LMO7: variants seen among roughly 807,000 people sequenced by gnomAD.
LMO7 encodes the protein LIM domain only protein 7.
A neutral mutation model predicts 206.5 loss-of-function variants in LMO7; 120 were observed. That is an observed-to-expected ratio of 0.58 (90% CI 0.50 to 0.68). LMO7 has a LOEUF of 0.68. Among genes scored for constraint, LMO7 ranks in the 30% least tolerant of loss-of-function variants. The pLI is 0.00. For missense variants in LMO7, 1,959 were observed against 1,957.9 expected (o/e 1.00, Z -0.01); for synonymous variants, 706 against 681.5 (o/e 1.04, Z -0.56).
intron 3 of LMO7, among the ~76,000 whole-genome samples, chr13:75,737,615 T>A (rs1187884516): frequency 2.7e-5 from 4 of 145,500 alleles, no homozygotes; most frequent in African/African-American, 1.0e-4. Context: ...TAGCCGGGCG[T>A]GGTAGCGGGC....
At chr13:75,648,441 A>G (rs1365962353) in intron 1 of LMO7, among the ~76,000 whole-genome samples, 1 of 152,174 alleles carries the variant, frequency 6.6e-6, no homozygotes, top group African/African-American at 2.4e-5. Context: ...TCTCATAGAA[A>G]AATCAAGCTC....
At chr13:75,702,063 G>C (rs1405920308) in intron 1 of LMO7, among the ~76,000 whole-genome samples, 2 of 152,052 alleles carry the variant, frequency 1.3e-5, no homozygotes. Flanking sequence ...GTCTAGGGAA[G>C]TGGGCTTCTT....
rs372735020 is a variant in LMO7, at chr13:75,807,719, G to C, written c.1436G>C (p.Arg479Pro). The C allele has an allele frequency of 4.3e-5, 69 of 1,613,970 alleles. No homozygotes were observed. Among genetic ancestry groups the C allele is most frequent in the Non-Finnish European group, 5.5e-5 (65 of 1,179,890 alleles). ...GAFHANPYVL[R>P]AFEDFRKFSE... The stretch of plus-strand genomic sequence containing the variant: ...TTCCATGCAAATCCATATGTTCTCC[G>C]AGCTTTTGAAGACTTTAGAAAGTTC... The change falls in exon 10 of 31, where the codon CGA becomes CCA. Residue 479 changes from arginine (R) to proline (P), a missense_variant. By Grantham distance (103) the Arg-to-Pro change is moderately radical (BLOSUM62 -2). Transcript: ENST00000377534.
chr13:75,821,467 C>T lies in LMO7; in HGVS notation c.2498C>T (p.Thr833Ile). ...TTGTCTTCTCTGCGTTCACGGAGCA[C>T]ACAAATGGAATCAACTCGTGTTTCA... ...ASLSSLRSRS[T>I]QMESTRVSAS... The change falls in exon 14 of 31, where the codon ACA (threonine) becomes ATA (isoleucine). Residue 833 changes from threonine (T) to isoleucine (I), a missense_variant. By Grantham distance (89) the Thr-to-Ile change is moderately conservative. Coordinates refer to ENST00000377534, the MANE Select transcript of LMO7 (RefSeq NM_001306080.2). The T allele has an allele frequency of 6.2e-7, 1 of 1,614,146 alleles. No homozygotes were observed. The highest frequency in any genetic ancestry group is 8.5e-7 in the Non-Finnish European group (1 of 1,180,006).
At chr13:75,625,854 G>A (rs1415479352) in intron 2 of LMO7, among the ~76,000 whole-genome samples, 1 of 152,218 alleles carries the variant, frequency 6.6e-6, no homozygotes, top group African/African-American at 2.4e-5. Context: ...TTCTGATGGA[G>A]CTGGCTCCAA....
chr13:75,829,892 G>T (rs2058493894), intron 15 of LMO7, among the ~76,000 whole-genome samples: 1 of 152,116 alleles, frequency 6.6e-6, no homozygotes, highest in African/African-American at 2.4e-5. Flanking sequence ...GTCTGCTCAA[G>T]TTATACCTAA....
chr13:75,790,761 T>A (rs1037763294), intron 4 of LMO7, among the ~76,000 whole-genome samples: 1 of 152,128 alleles, frequency 6.6e-6, no homozygotes, highest in African/African-American at 2.4e-5. Flanking sequence ...AAAGCTCAGA[T>A]GTCCATGATG....
Position 75,853,211 on chromosome 13 carries a change from C to G in LMO7, c.4484C>G (p.Pro1495Arg), listed in dbSNP as rs7988661. 9.9e-5 allele frequency: 160 copies of G among 1,614,018 alleles called. No homozygotes were observed. Among genetic ancestry groups the G allele is most frequent in the Middle Eastern group, 1.6e-4 (1 of 6,062 alleles). Residue 1495 changes from proline (P) to arginine (R), a missense_variant, in exon 28 of 31, where the codon CCA (proline) becomes CGA (arginine). Pro to Arg is a moderately radical substitution (Grantham distance 103). Transcript: ENST00000377534. The part of the protein sequence containing the change: ...SSSVQDFSRP[P>R]PQLVSTSNRA... ...TCTGTGCAAGACTTTAGTCGCCCAC[C>G]ACCTCAGCTGGTGTCCACATCAAAC...
At chr13:75,812,399 A>T (rs2056500363) in intron 11 of LMO7, among the ~76,000 whole-genome samples, 1 of 152,244 alleles carries the variant, frequency 6.6e-6, no homozygotes, top group African/African-American at 2.4e-5. Flanking sequence ...AGAGGTACAT[A>T]AATCAGTATG....
At chr13:75,713,295 T>C in intron 2 of LMO7, 43 bp downstream of exon 2, 1 of 1,413,760 alleles carries the variant, frequency 7.1e-7, no homozygotes, top group Non-Finnish European at 9.7e-7. Context: ...AAAGCAAAGA[T>C]ATGTGTGTGT....
At chr13:75,770,180 T>TC (rs1171848178) in intron 4 of LMO7, among the ~76,000 whole-genome samples, 7 of 146,904 alleles carry the variant, frequency 4.8e-5, no homozygotes, top group Non-Finnish European at 1.1e-4. Context: ...GGTGATGAAT[T>TC]TTTTTTTTTT....
chr13:75,641,687 C>A (rs2036546196), intron 1 of LMO7, among the ~76,000 whole-genome samples: 1 of 152,186 alleles, frequency 6.6e-6, no homozygotes, highest in African/African-American at 2.4e-5. Context: ...CAGGAACTCA[C>A]TCTGTTGCCC....
At chr13:75,696,220 T>C (rs1226893433) in intron 1 of LMO7, among the ~76,000 whole-genome samples, 16 of 152,046 alleles carry the variant, frequency 1.1e-4, no homozygotes, top group Non-Finnish European at 1.5e-5. Flanking sequence ...CCGGGCATGG[T>C]GGTGTGTGGC....
intron 1 of LMO7, among the ~76,000 whole-genome samples, chr13:75,656,630 G>C (rs2038085338): frequency 6.6e-6 from 1 of 152,272 alleles, no homozygotes; most frequent in East Asian, 1.9e-4. Context: ...CTTGCGGTTA[G>C]TAGACTACAG....
At chr13:75,636,985 G>A (rs2094429193) in intron 1 of LMO7, among the ~76,000 whole-genome samples, 1 of 152,122 alleles carries the variant, frequency 6.6e-6, no homozygotes, top group Non-Finnish European at 1.5e-5. Context: ...AGAGGTGGGC[G>A]TTCGCCTGCC....
rs1015774072 is a variant in LMO7, at chr13:75,636,500, A to C, written c.-158A>C. The C allele has an allele frequency of 6.7e-7, 1 of 1,485,838 alleles. No homozygotes were observed. The highest frequency in any genetic ancestry group is 8.9e-7 in the Non-Finnish European group (1 of 1,128,140). 92.0% of individuals were successfully genotyped at this position (1,485,838 alleles called of 1,614,324 possible). On this transcript the variant is annotated 5_prime_UTR_variant, in exon 1 of 31. Coordinates refer to ENST00000377534, the MANE Select transcript of LMO7 (RefSeq NM_001306080.2). The stretch of plus-strand genomic sequence containing the variant: ...GAGACCTTAACGAACTGCAGAGCGC[A>C]ACAAAGGGAACTAGAGCCCCGGCGC...
intron 1 of LMO7, among the ~76,000 whole-genome samples, chr13:75,685,295 T>C (rs1316707976): frequency 1.3e-5 from 2 of 152,206 alleles, no homozygotes; most frequent in African/African-American, 4.8e-5. Flanking sequence ...CTGTGAACTG[T>C]GCTGGCCTCT....
upstream of LMO7, among the ~76,000 whole-genome samples, chr13:75,635,643 A>C (rs746562): frequency 0.31 from 47,815 of 151,962 alleles, 7,728 homozygotes; most frequent in African/African-American, 0.36. Context: ...TCGAACCCTC[A>C]GCCGCGAGCC....
intron 1 of LMO7, among the ~76,000 whole-genome samples, chr13:75,640,817 A>G (rs1374161538): frequency 2.6e-5 from 4 of 152,166 alleles, no homozygotes; most frequent in African/African-American, 9.7e-5. Context: ...TATTGGTTGC[A>G]GTTGTTTGGT....
Sources: gnomAD v4.1 joint callset for allele counts (sites outside exome capture counted in the v4.1 genomes callset) on GRCh38, gnomAD v4.1.1 for gene constraint, MANE v1.5 for transcripts, NCBI Gene and HGNC (gene_info 2026-07-23, HGNC 2026-07-21) for gene names.